Variants in NBEAL1 observed in about 807,000 individuals in gnomAD.
NBEAL1 encodes the protein neurobeachin like 1.
Under a neutral mutation model 351.3 loss-of-function variants are expected in NBEAL1, and 273 were observed. That is an observed-to-expected ratio of 0.78 (90% confidence interval 0.70 to 0.86). The LOEUF (loss-of-function observed/expected upper bound fraction) is 0.86, where lower values mean the gene tolerates loss of function less well. Among genes scored for constraint, NBEAL1 ranks in the 40% least tolerant of loss-of-function variants. The pLI, the probability that NBEAL1 is intolerant of heterozygous loss-of-function variation, is 0.00. For synonymous variants in NBEAL1, 1,050 were observed against 1,086.4 expected, an observed-to-expected ratio of 0.97 and a Z score of 0.66; for missense variants, 2,961 against 3,201.3, an observed-to-expected ratio of 0.92 and a Z score of 1.81.
At chr2:203,162,323 C>G (rs2106383414) in intron 36 of NBEAL1, among the ~76,000 whole-genome samples, 1 of 152,092 alleles carries the variant, frequency 6.6e-6, no homozygotes, top group African/African-American at 2.4e-5. Context: ...TGTACCCAGC[C>G]TAATATTTAA....
At position 203,077,786 on chromosome 2, in the gene NBEAL1, T is replaced by G. The variant is rs902384156; in HGVS notation, c.633T>G (p.Ser211Arg). The G allele has an allele frequency of 5.4e-6, 8 of 1,471,152 alleles. No individual in the cohort carries two copies. Among genetic ancestry groups the G allele is most frequent in the Non-Finnish European group, 7.2e-6 (8 of 1,106,298 alleles). 91.1% of individuals were successfully genotyped at this position (1,471,152 alleles called of 1,614,324 possible). A position where few individuals can be genotyped will look rare whatever the true frequency, so the allele number is the denominator to read the frequency against. Residue 211 changes from serine (S) to arginine (R), a missense_variant, in exon 8 of 56, where the codon AGT becomes AGG. Coordinates refer to ENST00000683969, the MANE Select transcript of NBEAL1 (RefSeq NM_001378026.1). ...AGGAAAGTGAACATCTCAAGGAAAGTCTTAAATGTTGCTTATTGCATCTCT... is the reference window on the plus strand; with the variant it reads ...AGGAAAGTGAACATCTCAAGGAAAGGCTTAAATGTTGCTTATTGCATCTCT... ...CFQESEHLKE[S>R]LKCCLLHLFG... is the part of the protein sequence containing the mutation.
intron 6 of NBEAL1, among the ~76,000 whole-genome samples, chr2:203,066,032 A>G (rs529298900): frequency 6.6e-6 from 1 of 152,352 alleles, no homozygotes; most frequent in East Asian, 1.9e-4. Flanking sequence ...TAATATATGT[A>G]ATAGTTCTCA....
chr2:203,129,632 T>C (rs1485784504), intron 24 of NBEAL1, among the ~76,000 whole-genome samples: 1 of 152,230 alleles, frequency 6.6e-6, no homozygotes, highest in Non-Finnish European at 1.5e-5. Context: ...TGAATTATTA[T>C]TCTTTTAAGC....
At position 203,136,255 on chromosome 2, in the gene NBEAL1, A is replaced by G; in HGVS notation, c.4389+3A>G. The G allele has an allele frequency of 1.3e-6, 2 of 1,547,006 alleles. No homozygotes were observed. Among genetic ancestry groups the G allele is most frequent in the Non-Finnish European group, 1.7e-6 (2 of 1,151,250 alleles). ...TCTCTTTACTTGAAAGCCAAGAGGTAAAATTGCTTATTTTTCCAAATGTTG... is the reference window on the plus strand; with the variant it reads ...TCTCTTTACTTGAAAGCCAAGAGGTGAAATTGCTTATTTTTCCAAATGTTG... On this transcript the variant is annotated splice_donor_region_variant and intron_variant, in intron 28 of 55. Transcript: ENST00000683969.
chr2:203,119,213 G>C (rs965662962), intron 18 of NBEAL1, among the ~76,000 whole-genome samples: 3 of 150,722 alleles, frequency 2.0e-5, no homozygotes, highest in African/African-American at 7.3e-5. Context: ...CATTACCTAG[G>C]TGGCCGTGCA....
chr2:203,174,569 A>G (rs1017549693), intron 41 of NBEAL1, among the ~76,000 whole-genome samples: 4 of 152,248 alleles, frequency 2.6e-5, no homozygotes, highest in East Asian at 1.9e-4. Flanking sequence ...TAATTTTTCT[A>G]CAATGAACAT....
intron 3 of NBEAL1, among the ~76,000 whole-genome samples, chr2:203,049,268 A>C (rs562436064): frequency 3.8e-4 from 58 of 152,320 alleles, no homozygotes; most frequent in African/African-American, 1.3e-3. Flanking sequence ...CATGTTGACC[A>C]GGCTGGTCTC....
chr2:203,069,726 G>T (rs1420069488), intron 7 of NBEAL1, among the ~76,000 whole-genome samples: 2 of 152,166 alleles, frequency 1.3e-5, no homozygotes, highest in Non-Finnish European at 2.9e-5. Context: ...TGCAATCATA[G>T]CTCACTATAT....
chr2:203,069,653 T>C (rs2061648843), intron 7 of NBEAL1, among the ~76,000 whole-genome samples: 1 of 152,226 alleles, frequency 6.6e-6, no homozygotes, highest in Admixed American at 6.5e-5. Context: ...GTAAATGATG[T>C]ATCTTATTCA....
chr2:203,172,695 G>A (rs771958761), intron 40 of NBEAL1, 34 bp from the exon 41 acceptor site: 22 of 1,581,546 alleles, frequency 1.4e-5, no homozygotes, highest in Non-Finnish European at 1.8e-5. Context: ...TCTCTAGGAA[G>A]GAATGTCTAA....
In NBEAL1 at chr2:203,214,723, G is replaced by A. The variant is rs190161813; in HGVS notation, c.8070+1070G>A. ...CTGGGAATTGGAGGTTGCAGTGAGC[G>A]GATATCGTGCTGCTGCACTCCAGCC... On this transcript the variant is annotated intron_variant, in intron 55 of 55. Coordinates refer to ENST00000683969, the MANE Select transcript of NBEAL1 (RefSeq NM_001378026.1). Among the ~76,000 whole-genome samples the A allele has an allele frequency of 4.0e-3, 611 of 152,210 alleles. 1 individual carries two copies. The highest frequency in any genetic ancestry group is 6.0e-3 in the Non-Finnish European group (409 of 67,996).
Position 203,217,759 on chromosome 2 carries a change from A to ATT in NBEAL1, c.*406_*407insTT. 1 of 976,232 alleles carries ATT rather than the reference A, an allele frequency of 1.0e-6. No individual in the cohort carries two copies. Among genetic ancestry groups the ATT allele is most frequent in the Non-Finnish European group, 1.2e-6 (1 of 821,486 alleles). The allele number at this position is 976,232 out of a possible 1,614,324, so 60.5% of individuals were successfully genotyped here. A position where few individuals can be genotyped will look rare whatever the true frequency, so the allele number is the denominator to read the frequency against. On this transcript the variant is annotated 3_prime_UTR_variant, in exon 56 of 56. Coordinates refer to ENST00000683969, the MANE Select transcript of NBEAL1 (RefSeq NM_001378026.1). ...CTATTTACTGACCACTGTAATGAAA[A>ATT]TATATCAATTTATTTATGGAACTCC...
In NBEAL1 at chr2:203,136,205, AATG is replaced by A. The variant is rs1379176881; in HGVS notation, c.4345_4347del (p.Asp1449del). On this transcript the variant is annotated inframe_deletion, in exon 28 of 56. Coordinates refer to ENST00000683969, the MANE Select transcript of NBEAL1 (RefSeq NM_001378026.1). ...CTCTGACAGAGAAAGCAGCATCACA[AATG>A]ATATGGGCTTTAGTGATGACTTCTC... The A allele has an allele frequency of 6.2e-7, 1 of 1,610,106 alleles. No individual in the cohort carries two copies.
Position 203,016,238 on chromosome 2 carries a change from C to G in NBEAL1, c.-147C>G, listed in dbSNP as rs2105981286. 1 of 450,130 alleles carries G rather than the reference C, an allele frequency of 2.2e-6. No homozygotes were observed. Among genetic ancestry groups the G allele is most frequent in the Non-Finnish European group, 3.9e-6 (1 of 256,806 alleles). 27.9% of individuals were successfully genotyped at this position (450,130 alleles called of 1,614,324 possible). ...TGCCTTTTTGTTTTTAACCAGAGGA[C>G]AGTCCATTTGTTTCACTTCTTTTTG... On this transcript the variant is annotated 5_prime_UTR_variant, in exon 2 of 56. Transcript: ENST00000683969.
intron 45 of NBEAL1, 109 bp from the exon 46 acceptor site, chr2:203,190,164 ACACACACACACACACACAC>A: frequency 1.8e-4 from 1 of 5,510 alleles, no homozygotes; most frequent in Non-Finnish European, 1.0e-3. Flanking sequence ...GTGTGTACAC[ACACACACACACACACACAC>A]ACACACACAC....
chr2:203,016,481 T>C, intron 2 of NBEAL1, 46 bp downstream of exon 2: 1 of 1,284,194 alleles, frequency 7.8e-7, no homozygotes, highest in Non-Finnish European at 1.0e-6. Context: ...TACTTTATTA[T>C]AAAATTTGTG....
At chr2:203,206,938 G>A (rs1212786128) in intron 51 of NBEAL1, among the ~76,000 whole-genome samples, 5 of 151,016 alleles carry the variant, frequency 3.3e-5, no homozygotes, top group Non-Finnish European at 5.9e-5. Context: ...AGTGAGGAGC[G>A]TCTCTGCCCG....
chr2:203,206,463 C>T (rs923870021), intron 51 of NBEAL1, among the ~76,000 whole-genome samples: 3 of 152,164 alleles, frequency 2.0e-5, no homozygotes, highest in Admixed American at 1.3e-4. Flanking sequence ...CCTCTGATGC[C>T]GAGCCAAAGC....
intron 12 of NBEAL1, among the ~76,000 whole-genome samples, chr2:203,100,066 G>A (rs935584359): frequency 4.6e-5 from 7 of 152,076 alleles, no homozygotes; most frequent in African/African-American, 1.7e-4. Context: ...TTGTTGCAAA[G>A]GATATGAGGA....
Sources: gnomAD v4.1 joint callset for allele counts (sites outside exome capture counted in the v4.1 genomes callset) on GRCh38, gnomAD v4.1.1 for gene constraint, MANE v1.5 for transcripts, NCBI Gene and HGNC (gene_info 2026-07-23, HGNC 2026-07-21) for gene names.